The following IGSF11 variants were observed in gnomAD, a reference collection of about 807,000 sequenced individuals.
The protein encoded by IGSF11 is immunoglobulin superfamily member 11.
IGSF11 carries 22 observed loss-of-function variants against 41.0 expected under a neutral mutation model. The observed-to-expected ratio is 0.54, with a 90% CI of 0.38 to 0.77. The LOEUF (loss-of-function observed/expected upper bound fraction) is 0.77. Among genes scored for constraint, IGSF11 ranks in the 30% least tolerant of loss-of-function variants. The probability of loss-of-function intolerance (pLI) is 0.00; values close to 1 mark genes in which losing one functional copy is unlikely to be tolerated. For missense variants in IGSF11, 444 were observed against 530.8 expected (o/e 0.84, Z 1.61); for synonymous variants, 219 against 201.3 (o/e 1.09, Z -0.74).
intron 1 of IGSF11, among the ~76,000 whole-genome samples, chr3:118,962,941 A>G (rs971955585): frequency 2.0e-5 from 3 of 152,202 alleles, no homozygotes; most frequent in African/African-American, 4.8e-5. Context: ...CTGCAAGCCA[A>G]TAACACTAGA....
chr3:118,913,550 T>G (rs1320381751), intron 4 of IGSF11, among the ~76,000 whole-genome samples: 1 of 152,174 alleles, frequency 6.6e-6, no homozygotes, highest in Non-Finnish European at 1.5e-5. Context: ...GCATTTATAC[T>G]CACTAAACTG....
intron 1 of IGSF11, among the ~76,000 whole-genome samples, chr3:119,004,505 C>G (rs1937269757): frequency 6.9e-6 from 1 of 145,488 alleles, no homozygotes. Flanking sequence ...CTTCTGCTAG[C>G]TTTTGAATGT....
chr3:118,924,284 C>T (rs867752027), intron 4 of IGSF11, among the ~76,000 whole-genome samples: 119 of 152,156 alleles, frequency 7.8e-4, no homozygotes, highest in African/African-American at 2.6e-3. Context: ...ATCAGACTTC[C>T]GGGATTCACT....
At chr3:118,944,427 A>AT (rs1030949078) in intron 1 of IGSF11, among the ~76,000 whole-genome samples, 11 of 149,524 alleles carry the variant, frequency 7.4e-5, no homozygotes, top group African/African-American at 2.2e-4. Context: ...CCCATCTAAG[A>AT]TTTATGTGGT....
intron 1 of IGSF11, among the ~76,000 whole-genome samples, chr3:119,065,351 TCTC>T (rs1015396154): frequency 6.6e-6 from 1 of 152,216 alleles, no homozygotes; most frequent in Non-Finnish European, 1.5e-5. Context: ...ATCTGTGAAA[TCTC>T]CTGGTCATCA....
At chr3:118,978,015 C>T (rs1934312582) in intron 1 of IGSF11, among the ~76,000 whole-genome samples, 2 of 152,184 alleles carry the variant, frequency 1.3e-5, no homozygotes, top group Admixed American at 1.3e-4. Flanking sequence ...CAGCTACAGA[C>T]TGCTGTGGGC....
chr3:119,080,692 C>T (rs1293320415), intron 1 of IGSF11, among the ~76,000 whole-genome samples: 2 of 152,170 alleles, frequency 1.3e-5, no homozygotes, highest in African/African-American at 4.8e-5. Context: ...GACTTTCCTA[C>T]ATAACTAGGC....
upstream of IGSF11, among the ~76,000 whole-genome samples, chr3:119,107,296 G>A (rs970318437): frequency 3.3e-5 from 5 of 152,188 alleles, no homozygotes; most frequent in African/African-American, 9.7e-5. Flanking sequence ...GGTGTGAGAT[G>A]GTATCTCATT....
At chr3:118,993,348 T>C (rs1351553144) in intron 1 of IGSF11, among the ~76,000 whole-genome samples, 2 of 152,190 alleles carry the variant, frequency 1.3e-5, no homozygotes, top group Admixed American at 1.3e-4. Context: ...ATGGCTACAA[T>C]TAAAAGACAA....
chr3:119,051,368 A>T (rs1240696213), intron 1 of IGSF11, among the ~76,000 whole-genome samples: 1 of 151,562 alleles, frequency 6.6e-6, no homozygotes, highest in East Asian at 1.9e-4. Flanking sequence ...AACAACAGTT[A>T]AAAAAAATAA....
intron 4 of IGSF11, among the ~76,000 whole-genome samples, chr3:118,909,850 T>G (rs529940728): frequency 1.2e-4 from 18 of 152,366 alleles, no homozygotes; most frequent in Admixed American, 7.8e-4. Flanking sequence ...TATTTGTGTT[T>G]CTGCCATTCA....
chr3:119,112,646 G>C (rs2077196499), intron 1 of IGSF11: 1 of 153,930 alleles, frequency 6.5e-6, no homozygotes, highest in African/African-American at 2.4e-5. Flanking sequence ...GATGAACCCA[G>C]TACCTCAGAT....
chr3:118,973,002 G>A (rs577094814), intron 1 of IGSF11, among the ~76,000 whole-genome samples: 11 of 152,076 alleles, frequency 7.2e-5, no homozygotes, highest in South Asian at 2.1e-4. Context: ...TGTTTCCACC[G>A]GCAACATGGA....
chr3:118,930,693 A>C (rs999411862), intron 1 of IGSF11, among the ~76,000 whole-genome samples: 1 of 152,244 alleles, frequency 6.6e-6, no homozygotes, highest in African/African-American at 2.4e-5. Flanking sequence ...TATGTACAGC[A>C]CCCATACAAG....
intron 1 of IGSF11, among the ~76,000 whole-genome samples, chr3:119,045,153 A>G (rs1256586881): frequency 6.6e-6 from 1 of 152,248 alleles, no homozygotes; most frequent in Non-Finnish European, 1.5e-5. Flanking sequence ...CAGATGGCCA[A>G]ATAGGAACAG....
intron 1 of IGSF11, among the ~76,000 whole-genome samples, chr3:119,136,246 G>T (rs73185878): frequency 0.13 from 20,220 of 151,760 alleles, 1,395 homozygotes; most frequent in East Asian, 0.23. Flanking sequence ...AGAAAGGAAA[G>T]AAAGAAGGAA....
chr3:119,056,595 A>G (rs928171570), intron 1 of IGSF11, among the ~76,000 whole-genome samples: 5 of 152,224 alleles, frequency 3.3e-5, no homozygotes, highest in Non-Finnish European at 7.3e-5. Context: ...TAACAGAAAA[A>G]GAGGGAATCC....
At chr3:119,130,257 G>T (rs928560917) in intron 1 of IGSF11, among the ~76,000 whole-genome samples, 11 of 152,192 alleles carry the variant, frequency 7.2e-5, no homozygotes, top group Non-Finnish European at 1.3e-4. Flanking sequence ...GCAGGGCATT[G>T]CCTCACCCAG....
chr3:118,999,779 T>C (rs1366943309), intron 1 of IGSF11, among the ~76,000 whole-genome samples: 3 of 152,194 alleles, frequency 2.0e-5, no homozygotes, highest in African/African-American at 7.2e-5. Flanking sequence ...TTATCTTTTA[T>C]AGACCCAAAA....
Sources: gnomAD v4.1 joint callset for allele counts (sites outside exome capture counted in the v4.1 genomes callset) on GRCh38, gnomAD v4.1.1 for gene constraint, MANE v1.5 for transcripts, NCBI Gene and HGNC (gene_info 2026-07-23, HGNC 2026-07-21) for gene names.